Variants in NFIB observed in about 807,000 individuals in gnomAD.
NFIB encodes the protein nuclear factor 1 B-type.
A neutral mutation model predicts 61.5 loss-of-function variants in NFIB; 11 were observed. That is an observed-to-expected ratio of 0.18 (90% CI 0.11 to 0.30). NFIB has a LOEUF of 0.30. Ranked by LOEUF, NFIB falls within the 10% of genes least tolerant of loss-of-function variation. The pLI, the probability that NFIB is intolerant of heterozygous loss-of-function variation, is 1.00. For synonymous variants in NFIB, 260 were observed against 216.5 expected (o/e 1.20, Z -1.76); for missense variants, 471 against 608.9 (o/e 0.77, Z 2.38).
the NFIB span, among the ~76,000 whole-genome samples, chr9:14,449,964 AT>A: frequency 1.1e-4 from 17 of 151,728 alleles, no homozygotes; most frequent in African/African-American, 1.2e-4. Context: ...AATAAATAAA[AT>A]TTTTTTTAAA....
At chr9:14,462,185 G>C in the NFIB span, among the ~76,000 whole-genome samples, 2 of 152,180 alleles carry the variant, frequency 1.3e-5, no homozygotes, top group African/African-American at 4.8e-5. Flanking sequence ...CAGTGTTTCA[G>C]TCTGATGCAT....
chr9:14,333,451 C>A (rs1392493276), intron 1 of NFIB, among the ~76,000 whole-genome samples: 6 of 152,092 alleles, frequency 3.9e-5, no homozygotes, highest in Non-Finnish European at 7.4e-5. Context: ...TTGTACCCAC[C>A]CTTAAAATCT....
At chr9:14,103,346 G>A (rs185396891) in intron 10 of NFIB, among the ~76,000 whole-genome samples, 1 of 148,664 alleles carries the variant, frequency 6.7e-6, no homozygotes, top group South Asian at 2.3e-4. Context: ...CTGGGTTGGG[G>A]GGGGGGAAAC....
the NFIB span, among the ~76,000 whole-genome samples, chr9:14,442,166 G>A: frequency 2.6e-5 from 4 of 152,042 alleles, no homozygotes; most frequent in South Asian, 2.1e-4. Context: ...GGTCCACCTC[G>A]CTTAATCACC....
At chr9:14,199,747 ACTT>A (rs1346427080) in intron 2 of NFIB, among the ~76,000 whole-genome samples, 1 of 152,024 alleles carries the variant, frequency 6.6e-6, no homozygotes, top group African/African-American at 2.4e-5. Context: ...ACTGATTATG[ACTT>A]CAGTTCATTG....
chr9:14,332,415 G>A (rs2060833870), intron 1 of NFIB, among the ~76,000 whole-genome samples: 1 of 151,316 alleles, frequency 6.6e-6, no homozygotes, highest in African/African-American at 2.4e-5. Flanking sequence ...AGACTGTGTT[G>A]TAGTTTGAAG....
intron 4 of NFIB, among the ~76,000 whole-genome samples, chr9:14,151,616 C>T (rs2042880321): frequency 6.6e-6 from 1 of 152,132 alleles, no homozygotes; most frequent in African/African-American, 2.4e-5. Flanking sequence ...AAAGCCATAG[C>T]TGGCACTGGA....
chr9:14,255,657 G>C (rs1014209953), intron 2 of NFIB, among the ~76,000 whole-genome samples: 1 of 152,114 alleles, frequency 6.6e-6, no homozygotes, highest in African/African-American at 2.4e-5. Flanking sequence ...CTTAAAAAAA[G>C]ATAATAAAAG....
chr9:14,125,438 G>A (rs927325328), intron 7 of NFIB, among the ~76,000 whole-genome samples, 194 bp downstream of exon 7: 2 of 152,346 alleles, frequency 1.3e-5, no homozygotes, highest in Admixed American at 6.5e-5. Flanking sequence ...TTACAGGCGT[G>A]AGCCCCTGCA....
chr9:14,426,068 G>A, the NFIB span, among the ~76,000 whole-genome samples: 17 of 152,010 alleles, frequency 1.1e-4, no homozygotes, highest in African/African-American at 2.9e-4. Context: ...TTGGAAATGC[G>A]TTGGAGATGG....
At chr9:14,504,087 CT>C in the NFIB span, among the ~76,000 whole-genome samples, 2 of 152,110 alleles carry the variant, frequency 1.3e-5, no homozygotes, top group Non-Finnish European at 2.9e-5. Flanking sequence ...CCTTTCCCCA[CT>C]TTATGTTTTT....
rs1367279446 is a variant in NFIB, at chr9:14,313,647, G to A, written c.-136C>T. On this transcript the variant is annotated 5_prime_UTR_variant, in exon 1 of 11. Coordinates refer to ENST00000380953, the MANE Select transcript of NFIB (RefSeq NM_001190737.2). This position sits in a 1 kb window ranked among gnomAD's most constrained non-coding sequence, Gnocchi z 4.5. Reference sequence around the variant, plus strand: ...GGACGGGGCTCTGCGCTGGATCACCGCAACTTCACAACAAACCCAGTCCTC... The same window carrying A: ...GGACGGGGCTCTGCGCTGGATCACCACAACTTCACAACAAACCCAGTCCTC... The A allele has an allele frequency of 5.2e-6, 8 of 1,536,458 alleles. No individual in the cohort carries two copies. In the South Asian group the frequency reaches 6.2e-5, roughly 12 times the overall value.
At chr9:14,203,590 G>T (rs958058071) in intron 2 of NFIB, among the ~76,000 whole-genome samples, 1 of 152,204 alleles carries the variant, frequency 6.6e-6, no homozygotes, top group Non-Finnish European at 1.5e-5. Flanking sequence ...GCGCGGGCAG[G>T]ATCTAAAATG....
chr9:14,332,546 C>T (rs897222227), intron 1 of NFIB, among the ~76,000 whole-genome samples: 1 of 152,058 alleles, frequency 6.6e-6, no homozygotes, highest in Admixed American at 6.5e-5. Context: ...TCCCCTGTGC[C>T]ACGCCCTGTG....
intron 10 of NFIB, among the ~76,000 whole-genome samples, chr9:14,092,251 C>T (rs1180699736): frequency 2.0e-5 from 3 of 152,014 alleles, no homozygotes; most frequent in Admixed American, 6.6e-5. Context: ...GAATGTAGAC[C>T]GCTTAAGCAT....
intron 1 of NFIB, among the ~76,000 whole-genome samples, chr9:14,390,664 G>T (rs776155637): frequency 1.7e-4 from 26 of 152,178 alleles, no homozygotes; most frequent in Non-Finnish European, 2.5e-4. Flanking sequence ...TTATGAAAGT[G>T]GAGCCCTCAT....
intron 1 of NFIB, among the ~76,000 whole-genome samples, chr9:14,352,647 C>T (rs1216015993): frequency 1.3e-5 from 2 of 152,216 alleles, no homozygotes; most frequent in Non-Finnish European, 2.9e-5. Flanking sequence ...AGTGCTGTTT[C>T]TACGCTGTAC....
chr9:14,424,400 A>G, the NFIB span, among the ~76,000 whole-genome samples: 1 of 152,180 alleles, frequency 6.6e-6, no homozygotes, highest in Non-Finnish European at 1.5e-5. Context: ...GAATTCACAG[A>G]ACACATTAGC....
At chr9:14,403,968 TA>T (rs200481714), upstream of NFIB, among the ~76,000 whole-genome samples, 3 of 152,076 alleles carry the variant, frequency 2.0e-5, no homozygotes, top group African/African-American at 7.2e-5. Flanking sequence ...TCTCTTTGGA[TA>T]AAAAAAATTA....
Sources: gnomAD v4.1 joint callset for allele counts (sites outside exome capture counted in the v4.1 genomes callset) on GRCh38, gnomAD v4.1.1 for gene constraint, Gnocchi (gnomAD v3.1) non-coding constraint, MANE v1.5 for transcripts, NCBI Gene and HGNC (gene_info 2026-07-23, HGNC 2026-07-21) for gene names.